The following CCDC102B variants were observed in gnomAD, a reference collection of about 807,000 sequenced individuals.
CCDC102B encodes the protein coiled-coil domain-containing protein 102B.
A neutral mutation model predicts 57.4 loss-of-function variants in CCDC102B; 75 were observed. That is an observed-to-expected ratio of 1.31 (90% confidence interval 1.08 to 1.58). The LOEUF is 1.58. Among genes scored for constraint, CCDC102B ranks in the 40% most tolerant of loss-of-function variants. The probability of loss-of-function intolerance (pLI) is 0.00; values close to 1 mark genes in which losing one functional copy is unlikely to be tolerated. For synonymous variants in CCDC102B, 206 were observed against 201.9 expected (o/e 1.02, Z -0.17); for missense variants, 636 against 582.6 (o/e 1.09, Z -0.94).
chr18:69,029,783 G>A (rs1363596523), intron 7 of CCDC102B, among the ~76,000 whole-genome samples: 1 of 152,188 alleles, frequency 6.6e-6, no homozygotes, highest in African/African-American at 2.4e-5. Context: ...CACAGGCAAT[G>A]ATTATGTTCA....
At chr18:68,875,796 A>G (rs1240014648) in intron 5 of CCDC102B, among the ~76,000 whole-genome samples, 1 of 152,114 alleles carries the variant, frequency 6.6e-6, no homozygotes, top group Non-Finnish European at 1.5e-5. Context: ...CTGCAAGGGA[A>G]CAGTTTTCTG....
Position 69,053,542 on chromosome 18 carries a change from ACT to A in CCDC102B, c.1435-485_1435-484del, listed in dbSNP as rs368671759. ...GGTTTATTACTGAATATGTACATTA[ACT>A]CTATTAAAATAAATGAATATTTTCA... On this transcript the variant is annotated intron_variant, in intron 7 of 7. Transcript: ENST00000360242. 6.9e-4 allele frequency among the ~76,000 whole-genome samples: 105 copies of A among 151,840 alleles called. No individual in the cohort carries two copies. In the East Asian group the frequency reaches 0.018, roughly 26 times the overall value.
intron 6 of CCDC102B, among the ~76,000 whole-genome samples, chr18:68,908,777 T>C (rs2040733345): frequency 6.6e-6 from 1 of 152,192 alleles, no homozygotes; most frequent in Non-Finnish European, 1.5e-5. Context: ...TAGTAAGTGA[T>C]AAAATTTAGC....
intron 6 of CCDC102B, among the ~76,000 whole-genome samples, chr18:69,009,864 A>G: frequency 6.7e-6 from 1 of 150,204 alleles, no homozygotes; most frequent in Middle Eastern, 3.4e-3. Context: ...GGGTTTTCCT[A>G]CAGTATTATA....
chr18:68,791,548 C>A (rs2035459216), intron 2 of CCDC102B, among the ~76,000 whole-genome samples: 1 of 151,780 alleles, frequency 6.6e-6, no homozygotes, highest in Non-Finnish European at 1.5e-5. Context: ...TGTTTTTATT[C>A]CTTATGTCTT....
chr18:69,038,194 G>A (rs2052345362), intron 7 of CCDC102B, among the ~76,000 whole-genome samples: 2 of 151,680 alleles, frequency 1.3e-5, no homozygotes, highest in Non-Finnish European at 2.9e-5. Context: ...AACTTAAATA[G>A]CATAAAATGG....
chr18:68,780,686 G>A (rs919172699), intron 2 of CCDC102B, among the ~76,000 whole-genome samples: 6 of 151,936 alleles, frequency 3.9e-5, no homozygotes, highest in Non-Finnish European at 7.4e-5. Context: ...TGAGGTTTCC[G>A]ACAGGTGGAT....
At chr18:68,931,948 C>T (rs772986770) in intron 6 of CCDC102B, among the ~76,000 whole-genome samples, 4 of 151,292 alleles carry the variant, frequency 2.6e-5, no homozygotes, top group Non-Finnish European at 5.9e-5. Flanking sequence ...TGTGTATGTA[C>T]ACAAAGTGGG....
At chr18:68,927,188 G>T (rs1364043405) in intron 6 of CCDC102B, among the ~76,000 whole-genome samples, 1 of 151,910 alleles carries the variant, frequency 6.6e-6, no homozygotes, top group Non-Finnish European at 1.5e-5. Context: ...CCATAATCTG[G>T]AAATAATTTT....
upstream of CCDC102B, among the ~76,000 whole-genome samples, chr18:68,796,288 T>C (rs1003362905): frequency 1.1e-4 from 16 of 152,144 alleles, no homozygotes; most frequent in African/African-American, 3.9e-4. Context: ...CTGGATTTGA[T>C]ATAGAATAGA....
intron 1 of CCDC102B, among the ~76,000 whole-genome samples, chr18:68,821,168 G>T (rs1348001900): frequency 6.6e-6 from 1 of 151,696 alleles, no homozygotes; most frequent in Non-Finnish European, 1.5e-5. Context: ...CAAAAATTTG[G>T]CACAAATACT....
chr18:68,720,533 C>T (rs968612830), intron 2 of CCDC102B, among the ~76,000 whole-genome samples: 30 of 152,104 alleles, frequency 2.0e-4, no homozygotes, highest in Non-Finnish European at 3.4e-4. Flanking sequence ...GGTTCCTGAT[C>T]CAAGAGAGAA....
At chr18:68,745,303 T>TGGG (rs2033568219) in intron 2 of CCDC102B, among the ~76,000 whole-genome samples, 1 of 151,972 alleles carries the variant, frequency 6.6e-6, no homozygotes, top group Non-Finnish European at 1.5e-5. Flanking sequence ...GGCAAGCATG[T>TGGG]GGGGTTGCAG....
rs1255364724 is a variant in CCDC102B at position 68,860,432 on chromosome 18, C to A, written c.936+14011C>A. Reference sequence around the variant, plus strand: ...CTAACCTGCACAATGTGCACATGTACCCTAAAACTTAAAGTATAATTAAAA... The same window carrying A: ...CTAACCTGCACAATGTGCACATGTAACCTAAAACTTAAAGTATAATTAAAA... On this transcript the variant is annotated intron_variant, in intron 4 of 7. Transcript: ENST00000360242. 6.3e-4 allele frequency among the ~76,000 whole-genome samples: 52 copies of A among 82,932 alleles called. 1 individual carries two copies. The highest frequency in any genetic ancestry group is 1.8e-3 in the African/African-American group (50 of 27,458). The allele number at this position is 82,932 out of a possible 152,430, so 54.4% of individuals were successfully genotyped here.
intron 5 of CCDC102B, among the ~76,000 whole-genome samples, chr18:68,888,034 C>T (rs1252470897): frequency 1.3e-5 from 2 of 152,106 alleles, no homozygotes; most frequent in Non-Finnish European, 2.9e-5. Context: ...AGACAGGTAT[C>T]ATGATGAATG....
intron 2 of CCDC102B, among the ~76,000 whole-genome samples, chr18:68,784,419 C>G (rs890665223): frequency 3.9e-5 from 6 of 152,048 alleles, no homozygotes; most frequent in African/African-American, 1.4e-4. Flanking sequence ...AAGATCCACC[C>G]CCATGATCCA....
intron 6 of CCDC102B, among the ~76,000 whole-genome samples, chr18:68,968,400 A>T (rs1339686762): frequency 6.6e-6 from 1 of 152,204 alleles, no homozygotes; most frequent in East Asian, 1.9e-4. Flanking sequence ...TGCAGGTGTA[A>T]GAAACATTAC....
intron 5 of CCDC102B, among the ~76,000 whole-genome samples, chr18:68,877,799 C>T (rs908604927): frequency 6.6e-6 from 1 of 152,160 alleles, no homozygotes; most frequent in Non-Finnish European, 1.5e-5. Flanking sequence ...AATTACATTT[C>T]TCTTCTGCTA....
chr18:68,926,174 T>A (rs946871122), intron 6 of CCDC102B, among the ~76,000 whole-genome samples: 1 of 151,940 alleles, frequency 6.6e-6, no homozygotes, highest in Admixed American at 6.6e-5. Context: ...AGTGTAACAA[T>A]AAATATTTTT....
Sources: allele counts gnomAD v4.1 joint callset (sites outside exome capture counted in the v4.1 genomes callset), GRCh38; gene constraint gnomAD v4.1.1; transcripts MANE v1.5; gene names NCBI Gene and HGNC (gene_info 2026-07-23, HGNC 2026-07-21).